ARID1A: variants seen among roughly 807,000 people sequenced by gnomAD.
ARID1A encodes the protein AT-rich interaction domain 1A.
ARID1A carries 20 observed loss-of-function variants against 212.6 expected under a neutral mutation model. That is an observed-to-expected ratio of 0.09 (90% CI 0.07 to 0.14). ARID1A has a LOEUF of 0.14. ARID1A is among the 10% of genes least tolerant of loss of function. The probability of loss-of-function intolerance (pLI) is 1.00; values close to 1 mark genes in which losing one functional copy is unlikely to be tolerated. For synonymous variants in ARID1A, 1,376 were observed against 1,222.1 expected (o/e 1.13, Z -2.63); for missense variants, 2,587 against 3,059.0 (o/e 0.85, Z 3.64).
At chr1:26,713,246 G>T (rs2080470051) in intron 1 of ARID1A, among the ~76,000 whole-genome samples, 1 of 151,774 alleles carries the variant, frequency 6.6e-6, no homozygotes, top group South Asian at 2.1e-4. Context: ...GTCTAACTCT[G>T]CATTAGTAGA....
intron 1 of ARID1A, among the ~76,000 whole-genome samples, chr1:26,700,519 G>C (rs570815171): frequency 6.6e-6 from 1 of 152,266 alleles, no homozygotes; most frequent in South Asian, 2.1e-4. Flanking sequence ...AATAGTTTTA[G>C]ATTACTTACA....
At chr1:26,739,468 T>C (rs1276079052) in intron 4 of ARID1A, among the ~76,000 whole-genome samples, 1 of 152,044 alleles carries the variant, frequency 6.6e-6, no homozygotes, top group Non-Finnish European at 1.5e-5. Flanking sequence ...AAGACCACAA[T>C]TGGAATGAGA....
intron 3 of ARID1A, 112 bp from the exon 4 acceptor site, chr1:26,732,564 T>G: frequency 1.2e-6 from 1 of 825,026 alleles, no homozygotes; most frequent in Non-Finnish European, 2.0e-6. Context: ...TTTTCGCAAC[T>G]GGACTTTCTC....
At chr1:26,707,141 C>T (rs1003121912) in intron 1 of ARID1A, among the ~76,000 whole-genome samples, 3 of 150,860 alleles carry the variant, frequency 2.0e-5, no homozygotes, top group African/African-American at 7.3e-5. Context: ...TCAAGGGGTT[C>T]TCCTGCCTCA....
At chr1:26,756,764 A>G (rs1485833570) in intron 4 of ARID1A, among the ~76,000 whole-genome samples, 1 of 151,210 alleles carries the variant, frequency 6.6e-6, no homozygotes, top group Non-Finnish European at 1.5e-5. Context: ...GTGCAGTGGC[A>G]CAATCTCGGC....
rs369924806 is a variant in ARID1A, at chr1:26,779,564, C to G, written c.5666C>G (p.Pro1889Arg). ...CATGTGACAACAGCAGAGGGTACAC[C>G]AGGGACAACAGACCAGGAGGGGCCC... ...RKHVTTAEGTPGTTDQEGPPP... is the reference protein window; with the variant it reads ...RKHVTTAEGTRGTTDQEGPPP... The change falls in exon 20 of 20, where the codon CCA becomes CGA. Residue 1889 changes from proline to arginine, a missense_variant. Transcript: ENST00000324856. 6.2e-7 allele frequency: 1 copy of G among 1,614,134 alleles called. No individual in the cohort carries two copies. Among genetic ancestry groups the G allele is most frequent in the Non-Finnish European group, 8.5e-7 (1 of 1,180,010 alleles).
intron 1 of ARID1A, among the ~76,000 whole-genome samples, chr1:26,724,674 T>TG (rs779808908): frequency 6.6e-6 from 1 of 152,220 alleles, no homozygotes; most frequent in Non-Finnish European, 1.5e-5. Context: ...CAGCCGTTTT[T>TG]GGGGGTCATT....
rs765348294 is a variant in ARID1A, at chr1:26,773,434, A to G, written c.3804A>G (p.Leu1268=). ...DPYSRAAGPG[L]GNVAMGPRQH... ...ACAGTCGTGCTGCCGGCCCTGGGCT[A>G]GGAAATGTGGCGATGGGACCACGAC... The change falls in exon 15 of 20, where the codon CTA becomes CTG. Residue 1268 remains leucine, a synonymous_variant. Transcript: ENST00000324856. 2 of 1,613,734 alleles carry G rather than the reference A, an allele frequency of 1.2e-6. No homozygotes were observed. Among genetic ancestry groups the G allele is most frequent in the Non-Finnish European group, 1.7e-6 (2 of 1,179,832 alleles).
In ARID1A at chr1:26,780,627, G is replaced by C. The variant is rs774295596; in HGVS notation, c.6729G>C (p.Lys2243Asn). ...RAARALLALA[K>N]VDENHSEFTL... ...CCCGCGCGCTGCTTGCCTTGGCCAA[G>C]GTGGACGAGAACCACTCAGAGTTTA... is the stretch of plus-strand genomic sequence containing the variant. The change falls in exon 20 of 20, where the codon AAG becomes AAC. Residue 2243 changes from lysine (K) to asparagine (N), a missense_variant. This residue lies in a region of ARID1A where 16 missense variants were observed against 33.2 expected (regional missense o/e 0.48). Transcript: ENST00000324856. This position sits in a 1 kb window ranked among gnomAD's most constrained non-coding sequence, Gnocchi z 7.2. The C allele has an allele frequency of 1.9e-6, 3 of 1,613,190 alleles. No individual in the cohort carries two copies. The highest frequency in any genetic ancestry group is 1.7e-6 in the Non-Finnish European group (2 of 1,179,998).
intron 4 of ARID1A, among the ~76,000 whole-genome samples, chr1:26,742,822 T>A (rs1293825821): frequency 6.6e-6 from 1 of 151,982 alleles, no homozygotes; most frequent in East Asian, 1.9e-4. Context: ...TATAAAAATT[T>A]AGCTGGGCGT....
intron 6 of ARID1A, among the ~76,000 whole-genome samples, chr1:26,761,735 T>C (rs928908056): frequency 6.6e-6 from 1 of 152,244 alleles, no homozygotes; most frequent in African/African-American, 2.4e-5. Flanking sequence ...TTCTTTGTGC[T>C]GAGACCCAGC....
chr1:26,700,362 ACT>A (rs1329250202), intron 1 of ARID1A, among the ~76,000 whole-genome samples: 2 of 152,110 alleles, frequency 1.3e-5, no homozygotes, highest in East Asian at 1.9e-4. Context: ...TTTTCATTTG[ACT>A]CTGCGCTTAT....
chr1:26,720,686 T>G (rs2080554782), intron 1 of ARID1A, among the ~76,000 whole-genome samples: 1 of 151,918 alleles, frequency 6.6e-6, no homozygotes. Context: ...AAGAACAGCC[T>G]GGGAACATGG....
chr1:26,739,963 C>T (rs889407671), intron 4 of ARID1A, among the ~76,000 whole-genome samples: 2 of 147,996 alleles, frequency 1.4e-5, no homozygotes, highest in Admixed American at 6.8e-5. Flanking sequence ...AGTCTGTCCT[C>T]AGCATAATCA....
chr1:26,696,154 C>T lies in ARID1A; in HGVS notation c.-250C>T. On this transcript the variant is annotated 5_prime_UTR_variant, in exon 1 of 20. Coordinates refer to ENST00000324856, the MANE Select transcript of ARID1A (RefSeq NM_006015.6). ...GAGCCGGGTCCCGAGCCTACAGAGC[C>T]GGGAGCAGCTGAGCCGCCGGCGCCT... 2.0e-6 allele frequency: 1 copy of T among 505,952 alleles called. No homozygotes were observed. Among genetic ancestry groups the T allele is most frequent in the Non-Finnish European group, 2.8e-6 (1 of 356,818 alleles). The allele number at this position is 505,952 out of a possible 1,614,324, so 31.3% of individuals were successfully genotyped here. A position where few individuals can be genotyped will look rare whatever the true frequency, so the allele number is the denominator to read the frequency against.
intron 6 of ARID1A, 89 bp downstream of exon 6, chr1:26,761,562 T>A: frequency 7.6e-7 from 1 of 1,308,662 alleles, no homozygotes; most frequent in South Asian, 1.2e-5. Context: ...TGTTTGACCA[T>A]GAAGCTTAGG....
chr1:26,700,334 A>G (rs2080320266), intron 1 of ARID1A, among the ~76,000 whole-genome samples: 1 of 152,226 alleles, frequency 6.6e-6, no homozygotes. Flanking sequence ...CTTAATTAAC[A>G]CAGCTAAGGT....
chr1:26,781,042 T>A lies in ARID1A; in HGVS notation c.*286T>A. 2.9e-6 allele frequency: 1 copy of A among 350,802 alleles called. No individual in the cohort carries two copies. The highest frequency in any genetic ancestry group is 5.1e-6 in the Non-Finnish European group (1 of 194,912). The allele number at this position is 350,802 out of a possible 1,614,324, so 21.7% of individuals were successfully genotyped here. Reference sequence around the variant, plus strand: ...CTCTGCCTACATAGAAGACTTTTTTTATTTTAACCAAAGTTACTGTTGTTT... The same window carrying A: ...CTCTGCCTACATAGAAGACTTTTTTAATTTTAACCAAAGTTACTGTTGTTT... On this transcript the variant is annotated 3_prime_UTR_variant, in exon 20 of 20. Coordinates refer to ENST00000324856, the MANE Select transcript of ARID1A (RefSeq NM_006015.6).
chr1:26,729,582 C>G, intron 1 of ARID1A, 69 bp from the exon 2 acceptor site: 1 of 1,558,254 alleles, frequency 6.4e-7, no homozygotes. Flanking sequence ...AACCTGTGTA[C>G]TTGGGTTATA....
Sources: gnomAD v4.1 joint callset for allele counts (sites outside exome capture counted in the v4.1 genomes callset) on GRCh38, gnomAD v4.1.1 for gene constraint, gnomAD v4.1.1 regional missense constraint, Gnocchi (gnomAD v3.1) non-coding constraint, MANE v1.5 for transcripts, NCBI Gene and HGNC (gene_info 2026-07-23, HGNC 2026-07-21) for gene names.